IGSF9B: variants seen among roughly 807,000 people sequenced by gnomAD.
IGSF9B encodes protein turtle homolog B.
A neutral mutation model predicts 143.7 loss-of-function variants in IGSF9B; 48 were observed. The observed-to-expected ratio is 0.33, with a 90% CI of 0.26 to 0.42. The LOEUF (loss-of-function observed/expected upper bound fraction) is 0.42, where lower values mean the gene tolerates loss of function less well. Ranked by LOEUF, IGSF9B falls within the 20% of genes least tolerant of loss-of-function variation. The pLI is 1.00. For synonymous variants in IGSF9B, 903 were observed against 833.1 expected (o/e 1.08, Z -1.44); for missense variants, 1,706 against 1,980.0 (o/e 0.86, Z 2.63).
At chr11:133,938,856 C>T (rs1939872689) in intron 3 of IGSF9B, among the ~76,000 whole-genome samples, 1 of 152,176 alleles carries the variant, frequency 6.6e-6, no homozygotes, top group South Asian at 2.1e-4. Context: ...AGTTACTCAG[C>T]CTCTCTGGGT....
rs367776025 is a variant in IGSF9B at position 133,926,004 on chromosome 11, G to A, written c.1808-39C>T. 421 of 1,449,888 alleles carry A rather than the reference G, an allele frequency of 2.9e-4. 4 individuals are homozygous for A. The South Asian group carries it at 4.3e-3, about 15-fold the overall frequency. 89.8% of individuals were successfully genotyped at this position (1,449,888 alleles called of 1,614,324 possible). On this transcript the variant is annotated intron_variant, in intron 13 of 19. Coordinates refer to ENST00000533871, the MANE Select transcript of IGSF9B (RefSeq NM_001277285.4). ...AGGAGAAGAACCACAGCGCATCAGC[G>A]AGGCCCAGGGCAGCCACCGCACCCC...
At position 133,930,302 on chromosome 11, in the gene IGSF9B, G is replaced by A. The variant is rs141217686; in HGVS notation, c.1520-520C>T. Among the ~76,000 whole-genome samples, 263 of 152,242 alleles carry A rather than the reference G, an allele frequency of 1.7e-3. 1 individual carries two copies. Among genetic ancestry groups the A allele is most frequent in the African/African-American group, 6.0e-3 (248 of 41,544 alleles). On this transcript the variant is annotated intron_variant, in intron 11 of 19. Coordinates refer to ENST00000533871, the MANE Select transcript of IGSF9B (RefSeq NM_001277285.4). Reference sequence around the variant, plus strand: ...ACGCCGGAGAAAGCATTCGGGCCACGGCAACCTCTGCTTCGAGGAACCTAC... The same window carrying A: ...ACGCCGGAGAAAGCATTCGGGCCACAGCAACCTCTGCTTCGAGGAACCTAC...
intron 18 of IGSF9B, among the ~76,000 whole-genome samples, chr11:133,916,266 A>G (rs1319662288): frequency 2.0e-5 from 3 of 152,126 alleles, no homozygotes; most frequent in Non-Finnish European, 4.4e-5. Context: ...GGAAGAGGAG[A>G]AAAAAAGGGA....
Position 133,901,945 on chromosome 11 carries a change from A to ACATCACACACATGCACACCG in IGSF9B, c.*7104_*7123dup, listed in dbSNP as rs1330246396. On this transcript the variant is annotated 3_prime_UTR_variant, in exon 20 of 20. Coordinates refer to ENST00000533871, the MANE Select transcript of IGSF9B (RefSeq NM_001277285.4). ...ACACCAAACCACACAACACACACAC[A>ACATCACACACATGCACACCG]CATCACACACATGCACACCGCATCA... Among the ~76,000 whole-genome samples the ACATCACACACATGCACACCG allele has an allele frequency of 8.2e-6, 1 of 122,564 alleles. No homozygotes were observed. The highest frequency in any genetic ancestry group is 3.4e-5 in the African/African-American group (1 of 29,222). 80.4% of individuals were successfully genotyped at this position (122,564 alleles called of 152,430 possible).
chr11:133,929,413 G>A (rs1026504900), intron 12 of IGSF9B, among the ~76,000 whole-genome samples: 2 of 152,230 alleles, frequency 1.3e-5, no homozygotes, highest in East Asian at 1.9e-4. Context: ...GAGGCAGCAC[G>A]TGAGCAGGGA....
intron 1 of IGSF9B, 167 bp from the exon 2 acceptor site, chr11:133,946,425 C>T (rs531479312): frequency 1.2e-4 from 74 of 621,264 alleles, no homozygotes; most frequent in Middle Eastern, 4.3e-4. Context: ...CCCTCTCCCC[C>T]TCGCTGCTCA....
At position 133,909,725 on chromosome 11, in the gene IGSF9B, G is replaced by C. The variant is rs911280761; in HGVS notation, c.4106-448C>G. Among the ~76,000 whole-genome samples the C allele has an allele frequency of 3.3e-5, 5 of 152,200 alleles. No homozygotes were observed. Among genetic ancestry groups the C allele is most frequent in the African/African-American group, 4.8e-5 (2 of 41,436 alleles). On this transcript the variant is annotated intron_variant, in intron 19 of 19. Transcript: ENST00000533871. This position sits in a 1 kb window ranked among gnomAD's most constrained non-coding sequence, Gnocchi z 4.2. ...AACGGTCAGGCCTTGACCCTTCCTG[G>C]ACTGCCTGGGCCTCTCCTCTGCCTC...
In IGSF9B at chr11:133,913,847, A is replaced by G. The variant is rs1939338074; in HGVS notation, c.3984-1840T>C. 6.6e-6 allele frequency among the ~76,000 whole-genome samples: 1 copy of G among 152,196 alleles called. No individual in the cohort carries two copies. The highest frequency in any genetic ancestry group is 2.4e-5 in the African/African-American group (1 of 41,442). On this transcript the variant is annotated intron_variant, in intron 18 of 19. Coordinates refer to ENST00000533871, the MANE Select transcript of IGSF9B (RefSeq NM_001277285.4). The surrounding 1 kb of genome is among the most constrained non-coding windows in gnomAD (Gnocchi z 4.6). ...AGGCTTCTTCATGCTGCCTAGAAGG[A>G]AAGTTAATGTGAATCCACCTGTTCA...
intron 1 of IGSF9B, chr11:133,952,086 C>T (rs2121350623): frequency 2.2e-6 from 1 of 455,074 alleles, no homozygotes; most frequent in East Asian, 7.0e-5. Flanking sequence ...GAGACTCCTC[C>T]CAGCTCTGGC....
At chr11:133,939,084 C>A (rs1274459551) in intron 3 of IGSF9B, among the ~76,000 whole-genome samples, 4 of 152,186 alleles carry the variant, frequency 2.6e-5, no homozygotes, top group Admixed American at 1.3e-4. Context: ...TCTTGTCCTG[C>A]CTGTGGCACC....
At position 133,928,458 on chromosome 11, in the gene IGSF9B, C is replaced by A. The variant is rs1939668534; in HGVS notation, c.1631+1213G>T. On this transcript the variant is annotated intron_variant, in intron 12 of 19. Coordinates refer to ENST00000533871, the MANE Select transcript of IGSF9B (RefSeq NM_001277285.4). The surrounding 1 kb of genome is among the most constrained non-coding windows in gnomAD (Gnocchi z 4.7). ...AGCGGGTGCCCCTCTCAACTTCCCT[C>A]GCTGCTGAGAAGTGGATAAAGGGGT... 6.6e-6 allele frequency among the ~76,000 whole-genome samples: 1 copy of A among 152,196 alleles called. No homozygotes were observed. The highest frequency in any genetic ancestry group is 1.9e-4 in the East Asian group (1 of 5,180).
rs952794192 is a variant in IGSF9B, at chr11:133,898,376, C to G, written c.*10693G>C. The G allele has an allele frequency of 2.0e-5, 3 of 152,564 alleles. No individual in the cohort carries two copies. The highest frequency in any genetic ancestry group is 2.0e-4 in the Admixed American group (3 of 15,284). 9.5% of individuals were successfully genotyped at this position (152,564 alleles called of 1,614,324 possible). A position where few individuals can be genotyped will look rare whatever the true frequency, so the allele number is the denominator to read the frequency against. On this transcript the variant is annotated 3_prime_UTR_variant, in exon 20 of 20. Transcript: ENST00000533871. ...CACACTGCCTGCTCACCCCCACCCT[C>G]TGTGTGTCCTCAGACCACCAGGTGA...
chr11:133,908,637 T>A lies in IGSF9B; in HGVS notation c.*432A>T, dbSNP rs1339575250. On this transcript the variant is annotated 3_prime_UTR_variant, in exon 20 of 20. Coordinates refer to ENST00000533871, the MANE Select transcript of IGSF9B (RefSeq NM_001277285.4). ...CCCACACACTACAGACATATGCATC[T>A]GTATCTATATCTATATATATGTGGG... The A allele has an allele frequency of 6.0e-6, 1 of 166,100 alleles. No individual in the cohort carries two copies. Among genetic ancestry groups the A allele is most frequent in the East Asian group, 1.7e-4 (1 of 6,034 alleles). The allele number at this position is 166,100 out of a possible 1,614,324, so 10.3% of individuals were successfully genotyped here.
chr11:133,952,029 A>G, intron 1 of IGSF9B: 1 of 455,598 alleles, frequency 2.2e-6, no homozygotes, highest in South Asian at 1.6e-5. Flanking sequence ...AGAGGACAGA[A>G]AGCCAGGCTG....
chr11:133,922,418 A>G, intron 16 of IGSF9B, 151 bp downstream of exon 16: 1 of 950,346 alleles, frequency 1.1e-6, no homozygotes, highest in Non-Finnish European at 1.6e-6. Flanking sequence ...TCTTACCCCC[A>G]CTTTCAAATC....
At chr11:133,955,432 T>G (rs1194044646) in intron 1 of IGSF9B, among the ~76,000 whole-genome samples, 1 of 152,180 alleles carries the variant, frequency 6.6e-6, no homozygotes, top group Non-Finnish European at 1.5e-5. Flanking sequence ...TCCGGAAAGT[T>G]TCCTGAAGCA....
At position 133,942,180 on chromosome 11, in the gene IGSF9B, A is replaced by G. The variant is rs545465452; in HGVS notation, c.409+2040T>C. 7.2e-5 allele frequency among the ~76,000 whole-genome samples: 11 copies of G among 152,296 alleles called. No individual in the cohort carries two copies. In the South Asian group the frequency reaches 2.1e-3, roughly 29 times the overall value. On this transcript the variant is annotated intron_variant, in intron 3 of 19. Coordinates refer to ENST00000533871, the MANE Select transcript of IGSF9B (RefSeq NM_001277285.4). The stretch of plus-strand genomic sequence containing the variant: ...TTTCCTCTCGAGAAGGAGGATGGCC[A>G]GCATCTCACACATAATTACCCACAT...
rs1044823089 is a variant in IGSF9B at position 133,931,937 on chromosome 11, C to A, written c.1110+134G>T. On this transcript the variant is annotated intron_variant, in intron 8 of 19. Coordinates refer to ENST00000533871, the MANE Select transcript of IGSF9B (RefSeq NM_001277285.4). This position sits in a 1 kb window ranked among gnomAD's most constrained non-coding sequence, Gnocchi z 7.7. The stretch of plus-strand genomic sequence containing the variant: ...GGCGGGCGGCACCCGCAGACCCCTA[C>A]AGAAGCAGCTCTCTGTTTGCCCAGG... The A allele has an allele frequency of 6.7e-7, 1 of 1,489,646 alleles. No homozygotes were observed. 92.3% of individuals were successfully genotyped at this position (1,489,646 alleles called of 1,614,324 possible). A position where few individuals can be genotyped will look rare whatever the true frequency, so the allele number is the denominator to read the frequency against.
intron 1 of IGSF9B, 23 bp downstream of exon 1, chr11:133,956,668 A>G (rs1465427114): frequency 6.6e-7 from 1 of 1,509,524 alleles, no homozygotes; most frequent in Non-Finnish European, 8.9e-7. Flanking sequence ...GGGGCAGGGG[A>G]GGGACGCCGC....
Sources: gnomAD v4.1 joint callset for allele counts (sites outside exome capture counted in the v4.1 genomes callset) on GRCh38, gnomAD v4.1.1 for gene constraint, Gnocchi (gnomAD v3.1) non-coding constraint, MANE v1.5 for transcripts, NCBI Gene and HGNC (gene_info 2026-07-23, HGNC 2026-07-21) for gene names.